Variants in ALS2 observed in about 807,000 individuals in gnomAD.
ALS2 encodes the protein alsin Rho guanine nucleotide exchange factor ALS2, also known as alsin.
ALS2 carries 117 observed loss-of-function variants against 203.4 expected under a neutral mutation model. The ratio of observed to expected loss-of-function variants is 0.58; its 90% CI spans 0.50 to 0.67. The LOEUF is 0.67. ALS2 is among the 30% of genes least tolerant of loss of function. The pLI, the probability that ALS2 is intolerant of heterozygous loss-of-function variation, is 0.00. For synonymous variants in ALS2, 718 were observed against 725.9 expected (o/e 0.99, Z 0.17); for missense variants, 1,715 against 1,989.4 (o/e 0.86, Z 2.62).
At chr2:201,778,148 T>C (rs547299161) in intron 1 of ALS2, among the ~76,000 whole-genome samples, 72 of 152,174 alleles carry the variant, frequency 4.7e-4, no homozygotes, top group African/African-American at 1.7e-3. Context: ...TCTAAACCAC[T>C]CCCTTCCTGA....
chr2:201,760,517 A>G, intron 4 of ALS2: 1 of 1,029,342 alleles, frequency 9.7e-7, no homozygotes, highest in Non-Finnish European at 1.2e-6. Context: ...AGTGTTACAA[A>G]CACAAGTAAG....
At chr2:201,729,272 A>T in intron 13 of ALS2, 89 bp from the exon 14 acceptor site, 2 of 1,437,666 alleles carry the variant, frequency 1.4e-6, no homozygotes, top group Admixed American at 4.0e-5. Context: ...TTAGACATAT[A>T]GTATTAAATG....
At position 201,761,715 on chromosome 2, in the gene ALS2, A is replaced by G; in HGVS notation, c.279T>C (p.Val93=). 1.2e-6 allele frequency: 2 copies of G among 1,614,184 alleles called. No homozygotes were observed. The change falls in exon 4 of 34, where the codon GTT becomes GTC. Residue 93 remains valine, a synonymous_variant. Transcript: ENST00000264276. ...GGAAGCTTCCTGTTGCCACAGTAAT[A>G]ACATATTGCCCAACCAGGGCATTTT... ...ILENALVGQY[V]ITVATGSFHS... is the part of the protein sequence containing the mutation.
chr2:201,745,520 T>G (rs781168295), intron 9 of ALS2, among the ~76,000 whole-genome samples: 2 of 152,138 alleles, frequency 1.3e-5, no homozygotes, highest in Non-Finnish European at 2.9e-5. Context: ...GCATGTCACT[T>G]TGAGAATGTG....
At chr2:201,776,568 T>C (rs1383846469) in intron 1 of ALS2, among the ~76,000 whole-genome samples, 1 of 152,210 alleles carries the variant, frequency 6.6e-6, no homozygotes, top group East Asian at 1.9e-4. Context: ...TTGTGCCTGT[T>C]ATTACATGGT....
chr2:201,745,839 C>T (rs1329889021), intron 9 of ALS2, among the ~76,000 whole-genome samples: 1 of 152,150 alleles, frequency 6.6e-6, no homozygotes, highest in African/African-American at 2.4e-5. Context: ...ATCTCAGCTA[C>T]CTGGGAGACT....
rs969772501 is a variant in ALS2 at position 201,728,576 on chromosome 2, T to G, written c.2777A>C (p.Gln926Pro). 2 of 1,614,124 alleles carry G rather than the reference T, an allele frequency of 1.2e-6. No homozygotes were observed. Among genetic ancestry groups the G allele is most frequent in the Non-Finnish European group, 1.7e-6 (2 of 1,180,010 alleles). ...CESSNRALSL[Q>P]HAGRFSVNWF... ...ATTCACGGAAAACCTCCCAGCATGC[T>G]GCAGAGACAGGGCTCGGTTACTACT... The change falls in exon 15 of 34, where the codon CAG (glutamine) becomes CCG (proline). Residue 926 changes from glutamine to proline, a missense_variant. By Grantham distance (76) the Gln-to-Pro change is moderately conservative. Transcript: ENST00000264276.
Position 201,761,371 on chromosome 2 carries a change from C to T in ALS2, c.623G>A (p.Cys208Tyr), listed in dbSNP as rs1178988117. The change falls in exon 4 of 34, where the codon TGT becomes TAT. Residue 208 changes from cysteine (C) to tyrosine (Y), a missense_variant. By Grantham distance (194) the Cys-to-Tyr change is radical (BLOSUM62 -2). Transcript: ENST00000264276. ...LAGRVVLQVA[C>Y]GAFHSLALVQ... is the part of the protein sequence containing the mutation. ...AAGGGCTAAGCTGTGGAAAGCACCA[C>T]AGGCAACTTGAAGCACCACTCGCCC... The T allele has an allele frequency of 6.2e-7, 1 of 1,613,014 alleles. No individual in the cohort carries two copies. The highest frequency in any genetic ancestry group is 8.5e-7 in the Non-Finnish European group (1 of 1,179,028).
At chr2:201,719,077 G>GA (rs898888298) in intron 23 of ALS2, among the ~76,000 whole-genome samples, 2 of 151,696 alleles carry the variant, frequency 1.3e-5, no homozygotes, top group African/African-American at 4.8e-5. Flanking sequence ...GATTAATCAA[G>GA]AAAAAAAAGA....
chr2:201,704,369 G>A (rs978891342), intron 32 of ALS2, 85 bp downstream of exon 32: 19 of 1,533,786 alleles, frequency 1.2e-5, no homozygotes, highest in African/African-American at 1.1e-4. Context: ...GTGGAAGAGC[G>A]TACTCCTGCT....
intron 3 of ALS2, among the ~76,000 whole-genome samples, chr2:201,764,625 C>G (rs1213454967): frequency 6.7e-6 from 1 of 148,296 alleles, no homozygotes; most frequent in East Asian, 2.0e-4. Flanking sequence ...CAGAGCGAGA[C>G]TCCGTCTCAA....
chr2:201,701,697 G>T lies in ALS2; in HGVS notation c.*154C>A, dbSNP rs904092053. 1 of 719,842 alleles carries T rather than the reference G, an allele frequency of 1.4e-6. No homozygotes were observed. Among genetic ancestry groups the T allele is most frequent in the East Asian group, 2.7e-5 (1 of 36,706 alleles). 44.6% of individuals were successfully genotyped at this position (719,842 alleles called of 1,614,324 possible). Reference sequence around the variant, plus strand: ...ATACAGTCCTTTTTTCTGGGCTCAGGGCTCTTATTATTGGTAAGGCTCATT... The same window carrying T: ...ATACAGTCCTTTTTTCTGGGCTCAGTGCTCTTATTATTGGTAAGGCTCATT... On this transcript the variant is annotated 3_prime_UTR_variant, in exon 34 of 34. Coordinates refer to ENST00000264276, the MANE Select transcript of ALS2 (RefSeq NM_020919.4).
chr2:201,759,401 T>C, intron 4 of ALS2: 1 of 955,636 alleles, frequency 1.0e-6, no homozygotes, highest in African/African-American at 1.8e-5. Flanking sequence ...ATTAGCTGTA[T>C]GATTGAGATG....
intron 23 of ALS2, among the ~76,000 whole-genome samples, chr2:201,719,190 C>CTA (rs746372510): frequency 2.5e-4 from 38 of 152,220 alleles, no homozygotes; most frequent in Non-Finnish European, 4.7e-4. Flanking sequence ...TGTGTCTCCT[C>CTA]TAAAATCTGT....
Position 201,770,019 on chromosome 2 carries a change from GAATA to G in ALS2, c.-60-1078_-60-1075del, listed in dbSNP as rs149685816. Among the ~76,000 whole-genome samples the G allele has an allele frequency of 5.9e-5, 9 of 152,278 alleles. No individual in the cohort carries two copies. In the East Asian group the frequency reaches 1.7e-3, roughly 29 times the overall value. ...TACTATGTTAACAAGAGATATATCTGAATAAATTTAATAAATGATATTCATTTAA... is the reference window on the plus strand; with the variant it reads ...TACTATGTTAACAAGAGATATATCTGAATTTAATAAATGATATTCATTTAA... On this transcript the variant is annotated intron_variant, in intron 1 of 33. Transcript: ENST00000264276.
intron 25 of ALS2, among the ~76,000 whole-genome samples, chr2:201,714,245 A>G (rs2597907): frequency 2.0e-5 from 3 of 152,204 alleles, no homozygotes; most frequent in African/African-American, 4.8e-5. Flanking sequence ...TAGATTAACA[A>G]TGTGATTTAT....
At chr2:201,760,789 C>A in intron 4 of ALS2, 92 bp downstream of exon 4, 1 of 1,476,932 alleles carries the variant, frequency 6.8e-7, no homozygotes. Context: ...ATAAAAAATG[C>A]TACCAAGCCT....
rs756766239 is a variant in ALS2, at chr2:201,733,407, G to C, written c.2449C>G (p.Gln817Glu). 5.0e-6 allele frequency: 8 copies of C among 1,613,544 alleles called. No individual in the cohort carries two copies. The highest frequency in any genetic ancestry group is 2.2e-5 in the East Asian group (1 of 44,820). The change falls in exon 13 of 34, where the codon CAA becomes GAA. Residue 817 changes from glutamine to glutamate, a missense_variant. Around this residue, in one of 3 missense-constraint regions of ALS2, gnomAD observed 1,227 missense variants for 1,413.5 expected, o/e 0.87. Transcript: ENST00000264276. Reference protein sequence around the residue: ...DFLNKNQELLQDLSEVNDENT... With the variant: ...DFLNKNQELLEDLSEVNDENT... ...TCGTCATTCACTTCTGACAAATCTTGCAACAGCTCTTGGTTTTTATTTAGG... is the reference window on the plus strand; with the variant it reads ...TCGTCATTCACTTCTGACAAATCTTCCAACAGCTCTTGGTTTTTATTTAGG...
At chr2:201,733,506 A>C (rs1553508094) in intron 12 of ALS2, 68 bp from the exon 13 acceptor site, 1 of 1,413,102 alleles carries the variant, frequency 7.1e-7, no homozygotes, top group Non-Finnish European at 9.8e-7. Flanking sequence ...TTAAATAAAA[A>C]ATTTCACTAG....
Sources: allele counts gnomAD v4.1 joint callset (sites outside exome capture counted in the v4.1 genomes callset), GRCh38; gene constraint gnomAD v4.1.1; regional missense constraint gnomAD v4.1.1; transcripts MANE v1.5; gene names NCBI Gene and HGNC (gene_info 2026-07-23, HGNC 2026-07-21).